The following ERC2 variants were observed in gnomAD, a reference collection of about 807,000 sequenced individuals.
ERC2 encodes ELKS/RAB6-interacting/CAST family member 2, also known as ERC protein 2.
In ERC2, 42 loss-of-function variants were observed where a neutral mutation model predicts 114.8. The ratio of observed to expected loss-of-function variants is 0.37; its 90% confidence interval spans 0.29 to 0.47. The LOEUF (loss-of-function observed/expected upper bound fraction) is 0.47, where lower values mean the gene tolerates loss of function less well. ERC2 is among the 20% of genes least tolerant of loss of function. The pLI, the probability that ERC2 is intolerant of heterozygous loss-of-function variation, is 0.99. For synonymous variants in ERC2, 454 were observed against 425.5 expected (o/e 1.07, Z -0.82); for missense variants, 939 against 1,150.7 (o/e 0.82, Z 2.66).
At chr3:56,312,187 T>C (rs1391289020) in intron 2 of ERC2, among the ~76,000 whole-genome samples, 1 of 152,122 alleles carries the variant, frequency 6.6e-6, no homozygotes, top group East Asian at 1.9e-4. Flanking sequence ...TGAGTGTGTA[T>C]GTTGTTTACT....
chr3:56,242,037 G>A (rs574900481), intron 3 of ERC2, among the ~76,000 whole-genome samples: 38 of 152,158 alleles, frequency 2.5e-4, no homozygotes, highest in African/African-American at 8.4e-4. Flanking sequence ...AAAGTTTGCT[G>A]AACAATTCAC....
intron 8 of ERC2, among the ~76,000 whole-genome samples, chr3:56,011,258 C>T (rs1277399409): frequency 6.6e-6 from 1 of 152,212 alleles, no homozygotes; most frequent in Non-Finnish European, 1.5e-5. Flanking sequence ...AGTTCAGCAG[C>T]AGCTTTATTT....
chr3:56,265,126 T>C (rs1434454962), intron 3 of ERC2, among the ~76,000 whole-genome samples: 1 of 152,104 alleles, frequency 6.6e-6, no homozygotes, highest in Non-Finnish European at 1.5e-5. Flanking sequence ...TATGGAACCA[T>C]GAAAGACCTC....
chr3:55,974,653 T>A (rs1353614081), intron 12 of ERC2, among the ~76,000 whole-genome samples: 1 of 152,094 alleles, frequency 6.6e-6, no homozygotes, highest in Non-Finnish European at 1.5e-5. Flanking sequence ...TCTTCCCCCA[T>A]CTCTGCCGTC....
intron 17 of ERC2, among the ~76,000 whole-genome samples, chr3:55,550,857 A>G (rs901987694): frequency 6.6e-6 from 1 of 152,006 alleles, no homozygotes; most frequent in Non-Finnish European, 1.5e-5. Flanking sequence ...TCTACTAAAA[A>G]TACAAAAAAT....
In ERC2 at chr3:55,564,893, T is replaced by C. The variant is rs2056265760; in HGVS notation, c.*40-53617A>G. On this transcript the variant is annotated intron_variant, in intron 17 of 17. Coordinates refer to ENST00000288221, the MANE Select transcript of ERC2 (RefSeq NM_015576.3). ...TAAAGGGTCAGACAGTAAGGATTTC[T>C]GGCTTTGCTGGCCATATGTTCTCCG... 2.0e-5 allele frequency among the ~76,000 whole-genome samples: 3 copies of C among 152,370 alleles called. No homozygotes were observed. The East Asian group carries it at 5.8e-4, about 29-fold the overall frequency.
At chr3:56,175,177 TG>T (rs745954485) in intron 3 of ERC2, among the ~76,000 whole-genome samples, 9 of 152,100 alleles carry the variant, frequency 5.9e-5, no homozygotes, top group Non-Finnish European at 1.2e-4. Context: ...AGGACCAGTG[TG>T]GGGGAGTTAA....
intron 13 of ERC2, among the ~76,000 whole-genome samples, chr3:55,889,227 G>A (rs1057073872): frequency 6.6e-6 from 1 of 152,226 alleles, no homozygotes; most frequent in Non-Finnish European, 1.5e-5. Flanking sequence ...ATTCAGTCAC[G>A]TTTTAACCTA....
intron 14 of ERC2, among the ~76,000 whole-genome samples, chr3:55,784,563 T>C (rs1440591959): frequency 6.6e-6 from 1 of 152,130 alleles, no homozygotes; most frequent in Non-Finnish European, 1.5e-5. Flanking sequence ...CTCAACATGG[T>C]TTGGCCAGTG....
At chr3:56,273,261 TC>T (rs375747079) in intron 3 of ERC2, among the ~76,000 whole-genome samples, 6,822 of 62,994 alleles carry the variant, frequency 0.11, 247 homozygotes, top group African/African-American at 0.15. Context: ...TTTTTTTCTT[TC>T]TTTTTTTTTT....
At chr3:55,565,886 G>A (rs535544564) in intron 17 of ERC2, among the ~76,000 whole-genome samples, 78 of 152,340 alleles carry the variant, frequency 5.1e-4, no homozygotes, top group Non-Finnish European at 9.1e-4. Flanking sequence ...GCAACTGAAA[G>A]CAGGGCGAGT....
intron 14 of ERC2, among the ~76,000 whole-genome samples, chr3:55,873,378 C>T (rs1205583525): frequency 6.6e-6 from 1 of 152,184 alleles, no homozygotes; most frequent in Non-Finnish European, 1.5e-5. Context: ...GTTACTTAAC[C>T]TCTCTGAGCC....
chr3:55,716,218 C>T (rs182018944), intron 15 of ERC2, among the ~76,000 whole-genome samples: 5 of 152,332 alleles, frequency 3.3e-5, no homozygotes, highest in Admixed American at 3.3e-4. Context: ...CTCTCACTTT[C>T]CTTCTTTAAC....
intron 7 of ERC2, among the ~76,000 whole-genome samples, 162 bp from the exon 8 acceptor site, chr3:56,019,193 A>C (rs911664889): frequency 2.0e-5 from 3 of 152,176 alleles, no homozygotes; most frequent in African/African-American, 7.2e-5. Flanking sequence ...TGAAATCTTC[A>C]TTTCTCCATT....
At chr3:56,419,956 A>T (rs1576871848) in intron 2 of ERC2, among the ~76,000 whole-genome samples, 1 of 152,296 alleles carries the variant, frequency 6.6e-6, no homozygotes, top group Non-Finnish European at 1.5e-5. Flanking sequence ...AATTTAAGCA[A>T]GTTCTAAATC....
chr3:55,928,234 C>CGTA (rs2065864056), intron 13 of ERC2, among the ~76,000 whole-genome samples: 1 of 152,152 alleles, frequency 6.6e-6, no homozygotes, highest in African/African-American at 2.4e-5. Flanking sequence ...ACCAACAGTG[C>CGTA]GTAAGTCTTC....
chr3:56,265,768 C>G lies in ERC2; in HGVS notation c.1074+30251G>C, dbSNP rs926691489. The stretch of plus-strand genomic sequence containing the variant: ...AATAGGCCAGGCACAGTGGCTCATG[C>G]CTGTAATCCCGACACTTTGGGAGGC... On this transcript the variant is annotated intron_variant, in intron 3 of 17. Coordinates refer to ENST00000288221, the MANE Select transcript of ERC2 (RefSeq NM_015576.3). Among the ~76,000 whole-genome samples the G allele has an allele frequency of 2.6e-5, 4 of 152,150 alleles. No individual in the cohort carries two copies. In the East Asian group the frequency reaches 7.8e-4, roughly 30 times the overall value.
chr3:55,545,926 CCT>C (rs1238289587), intron 17 of ERC2, among the ~76,000 whole-genome samples: 2 of 152,116 alleles, frequency 1.3e-5, no homozygotes, highest in Admixed American at 1.3e-4. Context: ...GTCCCGTTAC[CCT>C]GTTTTTGGTG....
intron 13 of ERC2, among the ~76,000 whole-genome samples, chr3:55,942,391 C>T (rs1016683106): frequency 7.0e-6 from 1 of 142,428 alleles, no homozygotes; most frequent in African/African-American, 2.6e-5. Context: ...CGGGTTCACG[C>T]CATTCTCCTA....
Sources: gnomAD v4.1 joint callset for allele counts (sites outside exome capture counted in the v4.1 genomes callset) on GRCh38, gnomAD v4.1.1 for gene constraint, MANE v1.5 for transcripts, NCBI Gene and HGNC (gene_info 2026-07-23, HGNC 2026-07-21) for gene names.